DGKB: variants seen among roughly 807,000 people sequenced by gnomAD.
DGKB encodes 90 kDa diacylglycerol kinase.
DGKB carries 67 observed loss-of-function variants against 114.3 expected under a neutral mutation model. The observed-to-expected ratio is 0.59, with a 90% CI of 0.48 to 0.72. DGKB has a LOEUF of 0.72. Ranked by LOEUF, DGKB falls within the 30% of genes least tolerant of loss-of-function variation. DGKB has a pLI of 0.00. For synonymous variants in DGKB, 398 were observed against 323.1 expected, an observed-to-expected ratio of 1.23 and a Z score of -2.49; for missense variants, 907 against 975.2, an observed-to-expected ratio of 0.93 and a Z score of 0.93.
chr7:14,361,813 C>T (rs947936404), intron 21 of DGKB, among the ~76,000 whole-genome samples: 1 of 151,920 alleles, frequency 6.6e-6, no homozygotes, highest in Non-Finnish European at 1.5e-5. Context: ...CAAGATAAAA[C>T]TTGTTTCAAT....
upstream of DGKB, among the ~76,000 whole-genome samples, chr7:14,904,598 C>A (rs1313381819): frequency 6.6e-6 from 1 of 152,140 alleles, no homozygotes; most frequent in African/African-American, 2.4e-5. Context: ...CAACAAATAT[C>A]AATTTGCCAA....
intron 1 of DGKB, among the ~76,000 whole-genome samples, chr7:14,844,100 T>C (rs1404658771): frequency 6.6e-6 from 1 of 152,210 alleles, no homozygotes; most frequent in Non-Finnish European, 1.5e-5. Context: ...TTTAAATGAC[T>C]GCATTCCCTA....
At chr7:14,477,715 C>A (rs1247158025) in intron 21 of DGKB, among the ~76,000 whole-genome samples, 1 of 152,062 alleles carries the variant, frequency 6.6e-6, no homozygotes, top group African/African-American at 2.4e-5. Flanking sequence ...ATTGATATTA[C>A]TATAATTTCT....
At chr7:14,513,770 T>C (rs1788345612) in intron 20 of DGKB, among the ~76,000 whole-genome samples, 1 of 152,042 alleles carries the variant, frequency 6.6e-6, no homozygotes, top group African/African-American at 2.4e-5. Context: ...AGAATAATGT[T>C]TAGTTAAAGC....
chr7:14,939,580 G>C (rs1220585882), intron 1 of DGKB, among the ~76,000 whole-genome samples: 4 of 148,868 alleles, frequency 2.7e-5, no homozygotes, highest in Non-Finnish European at 5.9e-5. Flanking sequence ...TGAGGAAATA[G>C]AGCACAAAGT....
At chr7:14,492,335 G>C (rs1784709536) in intron 20 of DGKB, among the ~76,000 whole-genome samples, 1 of 151,984 alleles carries the variant, frequency 6.6e-6, no homozygotes, top group Non-Finnish European at 1.5e-5. Context: ...CTATTGTCTA[G>C]GGTGGGGGGT....
At chr7:14,703,670 G>T (rs914718090) in intron 6 of DGKB, among the ~76,000 whole-genome samples, 1 of 152,058 alleles carries the variant, frequency 6.6e-6, no homozygotes, top group Non-Finnish European at 1.5e-5. Flanking sequence ...GAATATCCAG[G>T]GTTCTGGATG....
rs571791490 is a variant in DGKB at position 14,398,284 on chromosome 7, A to G, written c.1836-52893T>C. Among the ~76,000 whole-genome samples the G allele has an allele frequency of 4.6e-5, 7 of 152,160 alleles. No individual in the cohort carries two copies. In the South Asian group the frequency reaches 1.4e-3, roughly 32 times the overall value. The stretch of plus-strand genomic sequence containing the variant: ...TTTACCAATAAATAAATGGTCTTCT[A>G]TGTTTCCTTGAGCTGAGGCCTTGAG... On this transcript the variant is annotated intron_variant, in intron 21 of 25. Coordinates refer to ENST00000402815, the MANE Select transcript of DGKB (RefSeq NM_001350709.2).
intron 1 of DGKB, among the ~76,000 whole-genome samples, chr7:14,895,043 T>G (rs1241961276): frequency 6.6e-6 from 1 of 151,580 alleles, no homozygotes; most frequent in East Asian, 1.9e-4. Context: ...GTGCTGTTTT[T>G]CTATGTGGGA....
At chr7:14,715,019 A>T (rs1827965465) in intron 6 of DGKB, among the ~76,000 whole-genome samples, 1 of 152,168 alleles carries the variant, frequency 6.6e-6, no homozygotes, top group Admixed American at 6.5e-5. Flanking sequence ...CCTCATAGTT[A>T]TCCCATGGGA....
intron 20 of DGKB, among the ~76,000 whole-genome samples, chr7:14,513,029 G>C (rs770295489): frequency 4.6e-5 from 7 of 152,060 alleles, no homozygotes; most frequent in Admixed American, 6.6e-5. Flanking sequence ...GTAGCCAAAA[G>C]AAAATTCCTC....
chr7:14,663,901 A>G (rs11767076), intron 13 of DGKB, among the ~76,000 whole-genome samples: 42,105 of 151,542 alleles, frequency 0.28, 6,827 homozygotes, highest in East Asian at 0.84. Context: ...CACTCTCTCA[A>G]TCCTTACAAC....
chr7:14,392,995 G>GTTTTTTTTTTTTTTTTTTTTTTTT lies in DGKB; in HGVS notation c.1836-47605_1836-47604insAAAAAAAAAAAAAAAAAAAAAAAA, dbSNP rs1554404748. Among the ~76,000 whole-genome samples the GTTTTTTTTTTTTTTTTTTTTTTTT allele has an allele frequency of 4.6e-4, 28 of 60,514 alleles. 1 individual carries two copies. The highest frequency in any genetic ancestry group is 6.2e-4 in the Non-Finnish European group (18 of 29,000). The allele number at this position is 60,514 out of a possible 152,430, so 39.7% of individuals were successfully genotyped here. On this transcript the variant is annotated intron_variant, in intron 21 of 25. Transcript: ENST00000402815. ...CAAAACAGACCTGTTTTTTGTTTTTGTTTTTTTTTTTTTGAGACGGAGTCT... is the reference window on the plus strand; with the variant it reads ...CAAAACAGACCTGTTTTTTGTTTTTGTTTTTTTTTTTTTTTTTTTTTTTTTTTTTTTTTTTTTGAGACGGAGTCT...
chr7:14,282,577 C>T (rs1454207742), intron 23 of DGKB, among the ~76,000 whole-genome samples: 1 of 151,100 alleles, frequency 6.6e-6, no homozygotes, highest in African/African-American at 2.4e-5. Flanking sequence ...AATTTTAGAC[C>T]AATATCCTTG....
At chr7:14,689,214 T>TTTTTTTTTTTA (rs1822351888) in intron 9 of DGKB, among the ~76,000 whole-genome samples, 2 of 137,198 alleles carry the variant, frequency 1.5e-5, no homozygotes, top group Non-Finnish European at 1.6e-5. Context: ...TTTTTTTTTT[T>TTTTTTTTTTTA]TTTTTTTTTT....
At chr7:14,694,030 C>T in intron 9 of DGKB, 45 bp downstream of exon 9, 1 of 1,549,408 alleles carries the variant, frequency 6.5e-7, no homozygotes, top group Non-Finnish European at 8.7e-7. Flanking sequence ...ATAGAGAGCC[C>T]CACTGACTCA....
chr7:14,942,528 T>A (rs1032023748), intron 1 of DGKB, among the ~76,000 whole-genome samples: 3 of 152,050 alleles, frequency 2.0e-5, no homozygotes, highest in African/African-American at 7.2e-5. Context: ...ATTTGTGGCT[T>A]AATAGTGAGA....
At chr7:14,492,504 G>C (rs1187777927) in intron 20 of DGKB, among the ~76,000 whole-genome samples, 2 of 151,978 alleles carry the variant, frequency 1.3e-5, no homozygotes, top group South Asian at 2.1e-4. Context: ...CCATATTTTG[G>C]ATTGTTTGAA....
intron 23 of DGKB, among the ~76,000 whole-genome samples, chr7:14,300,694 T>A (rs1161206582): frequency 6.6e-6 from 1 of 152,144 alleles, no homozygotes; most frequent in Non-Finnish European, 1.5e-5. Flanking sequence ...ATTAAGCATA[T>A]TGATTTACTT....
Sources: allele counts gnomAD v4.1 joint callset (sites outside exome capture counted in the v4.1 genomes callset), GRCh38; gene constraint gnomAD v4.1.1; transcripts MANE v1.5; gene names NCBI Gene and HGNC (gene_info 2026-07-23, HGNC 2026-07-21).